The following ASIC2 variants were observed in gnomAD, a reference collection of about 807,000 sequenced individuals.
ASIC2 encodes acid-sensing ion channel 2.
A neutral mutation model predicts 57.3 loss-of-function variants in ASIC2; 25 were observed. That is an observed-to-expected ratio of 0.44 (90% CI 0.32 to 0.61). The LOEUF (loss-of-function observed/expected upper bound fraction) is 0.61. Among genes scored for constraint, ASIC2 ranks in the 20% least tolerant of loss-of-function variants. ASIC2 has a pLI of 0.06. For missense variants in ASIC2, 641 were observed against 738.1 expected, an observed-to-expected ratio of 0.87 and a Z score of 1.52; for synonymous variants, 319 against 307.5, an observed-to-expected ratio of 1.04 and a Z score of -0.39.
chr17:33,351,019 G>A (rs770113708), intron 1 of ASIC2, among the ~76,000 whole-genome samples: 4 of 152,116 alleles, frequency 2.6e-5, no homozygotes, highest in African/African-American at 4.8e-5. Flanking sequence ...GGGAGAATCA[G>A]CTAATTCTTT....
intron 1 of ASIC2, among the ~76,000 whole-genome samples, chr17:33,498,110 C>T (rs1266671735): frequency 6.6e-6 from 1 of 152,210 alleles, no homozygotes; most frequent in Non-Finnish European, 1.5e-5. Flanking sequence ...TGGATAGAAT[C>T]ATCCCCATGT....
chr17:33,896,753 G>A, intron 1 of ASIC2, among the ~76,000 whole-genome samples: 1 of 152,200 alleles, frequency 6.6e-6, no homozygotes. Flanking sequence ...ATTTATGATA[G>A]GCGAAACAGT....
intron 1 of ASIC2, among the ~76,000 whole-genome samples, chr17:33,247,997 T>C (rs961945626): frequency 6.6e-6 from 1 of 152,116 alleles, no homozygotes; most frequent in Admixed American, 6.6e-5. Flanking sequence ...CAATATAGCA[T>C]GTTCGAAGGT....
intron 1 of ASIC2, among the ~76,000 whole-genome samples, chr17:34,022,964 G>A (rs954869732): frequency 2.0e-5 from 3 of 151,972 alleles, no homozygotes; most frequent in African/African-American, 4.8e-5. Context: ...AAAAGTGTGT[G>A]GCACCTCCCC....
intron 1 of ASIC2, among the ~76,000 whole-genome samples, chr17:33,986,145 T>G (rs1905810103): frequency 6.6e-6 from 1 of 152,146 alleles, no homozygotes; most frequent in African/African-American, 2.4e-5. Context: ...TAATTTATTG[T>G]GTTTATTGCT....
intron 1 of ASIC2, among the ~76,000 whole-genome samples, chr17:34,121,488 T>C (rs781214903): frequency 2.0e-5 from 3 of 152,128 alleles, no homozygotes; most frequent in Non-Finnish European, 2.9e-5. Flanking sequence ...CATCCTATCT[T>C]CTCACATGGA....
At chr17:34,002,829 C>T (rs964381348) in intron 1 of ASIC2, 1 of 152,134 alleles carries the variant, frequency 6.6e-6, no homozygotes, top group African/African-American at 2.4e-5. Flanking sequence ...CCTCCACATA[C>T]AATTTATGAT....
intron 1 of ASIC2, among the ~76,000 whole-genome samples, chr17:33,836,593 A>G (rs1913281433): frequency 6.6e-6 from 1 of 152,158 alleles, no homozygotes. Context: ...AGTGGCTCAG[A>G]TCTGTAATCC....
chr17:33,532,822 G>T (rs1267048637), intron 1 of ASIC2, among the ~76,000 whole-genome samples: 2 of 152,166 alleles, frequency 1.3e-5, no homozygotes, highest in African/African-American at 4.8e-5. Context: ...TCCTCTTTCT[G>T]CCTAGAGCAG....
At chr17:33,350,036 G>A (rs906386275) in intron 1 of ASIC2, among the ~76,000 whole-genome samples, 1 of 152,192 alleles carries the variant, frequency 6.6e-6, no homozygotes, top group Non-Finnish European at 1.5e-5. Flanking sequence ...TTGTGGGATG[G>A]TAGTGTTCCA....
intron 1 of ASIC2, chr17:34,142,809 G>A (rs1350538826): frequency 6.6e-6 from 1 of 152,176 alleles, no homozygotes; most frequent in African/African-American, 2.4e-5. Context: ...ATTTAAAATG[G>A]AGAAGTGGAG....
chr17:34,123,427 A>T (rs953058437), intron 1 of ASIC2, among the ~76,000 whole-genome samples: 3 of 152,030 alleles, frequency 2.0e-5, no homozygotes, highest in African/African-American at 7.2e-5. Context: ...AGGGAGGGAG[A>T]GGGGCCAGAC....
chr17:33,323,409 T>A (rs1377496052), intron 1 of ASIC2, among the ~76,000 whole-genome samples: 3 of 151,858 alleles, frequency 2.0e-5, no homozygotes, highest in Admixed American at 2.0e-4. Flanking sequence ...AAATCTAAGG[T>A]TGAGTGAAAG....
intron 1 of ASIC2, among the ~76,000 whole-genome samples, chr17:33,575,402 T>C (rs1310814825): frequency 6.6e-6 from 1 of 152,212 alleles, no homozygotes; most frequent in African/African-American, 2.4e-5. Context: ...CACTGTGAAA[T>C]GTAGAGTGTG....
intron 1 of ASIC2, among the ~76,000 whole-genome samples, chr17:33,407,156 C>T (rs551878145): frequency 6.6e-6 from 1 of 152,180 alleles, no homozygotes; most frequent in Non-Finnish European, 1.5e-5. Context: ...ATAGCAATAG[C>T]TGACATTTAT....
At chr17:33,884,298 T>C (rs1177160293) in intron 1 of ASIC2, among the ~76,000 whole-genome samples, 2 of 152,212 alleles carry the variant, frequency 1.3e-5, no homozygotes, top group Non-Finnish European at 2.9e-5. Flanking sequence ...CTGAATTCTA[T>C]GGTGACAACT....
At chr17:33,259,035 G>C (rs747735971) in intron 1 of ASIC2, among the ~76,000 whole-genome samples, 1 of 152,164 alleles carries the variant, frequency 6.6e-6, no homozygotes, top group Non-Finnish European at 1.5e-5. Context: ...CAGAAAGGAA[G>C]GGGTTCCTTT....
chr17:33,163,362 G>A (rs940700055), intron 1 of ASIC2, among the ~76,000 whole-genome samples: 13 of 152,094 alleles, frequency 8.5e-5, no homozygotes, highest in African/African-American at 3.1e-4. Flanking sequence ...TGTGGGCCTG[G>A]AGTGCCCCGC....
At position 33,028,310 on chromosome 17, in the gene ASIC2, G is replaced by A; in HGVS notation, c.1070C>T (p.Ala357Val). The change falls in exon 4 of 10, where the codon GCC becomes GTC. Residue 357 changes from alanine (A) to valine (V), a missense_variant. Physicochemically the swap from Ala to Val is moderately conservative, Grantham distance 64. Coordinates refer to ENST00000225823, the MANE Select transcript of ASIC2 (RefSeq NM_183377.2). ...LDFFPVYSITACRIDCETRYI... is the reference protein window; with the variant it reads ...LDFFPVYSITVCRIDCETRYI... ...GCGGGTCTCACAGTCAATCCTACAG[G>A]CGGTGATGCTGTAAACAGGAAAAAA... is the stretch of plus-strand genomic sequence containing the variant. 6.2e-7 allele frequency: 1 copy of A among 1,614,186 alleles called. No homozygotes were observed. The highest frequency in any genetic ancestry group is 8.5e-7 in the Non-Finnish European group (1 of 1,180,034).
Sources: gnomAD v4.1 joint callset for allele counts (sites outside exome capture counted in the v4.1 genomes callset) on GRCh38, gnomAD v4.1.1 for gene constraint, MANE v1.5 for transcripts, NCBI Gene and HGNC (gene_info 2026-07-23, HGNC 2026-07-21) for gene names.